PTPRT: variants seen among roughly 807,000 people sequenced by gnomAD.
PTPRT encodes receptor-type tyrosine-protein phosphatase T.
Under a neutral mutation model 176.8 loss-of-function variants are expected in PTPRT, and 56 were observed. That is an observed-to-expected ratio of 0.32 (90% confidence interval 0.26 to 0.40). The LOEUF is 0.40. Ranked by LOEUF, PTPRT falls within the 10% of genes least tolerant of loss-of-function variation. PTPRT has a pLI of 1.00. For missense variants in PTPRT, 1,540 were observed against 1,908.2 expected (o/e 0.81, Z 3.60); for synonymous variants, 783 against 739.0 (o/e 1.06, Z -0.96).
At chr20:42,566,523 C>G (rs1463917396) in intron 7 of PTPRT, among the ~76,000 whole-genome samples, 1 of 152,216 alleles carries the variant, frequency 6.6e-6, no homozygotes, top group Non-Finnish European at 1.5e-5. Context: ...GAAATGGGAA[C>G]AGAAGTGATG....
At chr20:42,584,380 A>T (rs1368387150) in intron 7 of PTPRT, among the ~76,000 whole-genome samples, 1 of 152,074 alleles carries the variant, frequency 6.6e-6, no homozygotes, top group African/African-American at 2.4e-5. Flanking sequence ...AACATACCAA[A>T]CATGGTCCTC....
chr20:42,470,622 C>T (rs566821592), intron 8 of PTPRT, among the ~76,000 whole-genome samples: 5 of 151,916 alleles, frequency 3.3e-5, no homozygotes, highest in East Asian at 1.9e-4. Context: ...CTGGAACTGG[C>T]GAATTCTATG....
At chr20:43,188,754 G>GGC (rs1555845654) in intron 1 of PTPRT, among the ~76,000 whole-genome samples, 2 of 150,288 alleles carry the variant, frequency 1.3e-5, no homozygotes, top group African/African-American at 4.9e-5. Flanking sequence ...ACTCTTGGGG[G>GGC]GGGGGGGGCT....
intron 1 of PTPRT, among the ~76,000 whole-genome samples, chr20:43,017,738 A>C (rs6065566): frequency 0.38 from 58,089 of 152,144 alleles, 12,887 homozygotes; most frequent in African/African-American, 0.62. Flanking sequence ...CATCTGCCAG[A>C]GCTCCTGTGA....
At chr20:42,224,251 C>T (rs1220408289) in intron 15 of PTPRT, among the ~76,000 whole-genome samples, 1 of 152,172 alleles carries the variant, frequency 6.6e-6, no homozygotes, top group Non-Finnish European at 1.5e-5. Flanking sequence ...GACTTTACTC[C>T]TCATAATGCC....
At chr20:42,236,175 C>T in intron 15 of PTPRT, 54 bp downstream of exon 15, 2 of 1,477,586 alleles carry the variant, frequency 1.4e-6, no homozygotes, top group Admixed American at 3.6e-5. Context: ...GAAATGCATG[C>T]TACAGGTTCC....
rs150063324 is a variant in PTPRT at position 42,887,919 on chromosome 20, C to T, written c.89-1987G>A. Reference sequence around the variant, plus strand: ...AGGGCTCTGTTCTCAGAAATGAGATCGCACCCTTATAAAAGATGCCCTAGG... The same window carrying T: ...AGGGCTCTGTTCTCAGAAATGAGATTGCACCCTTATAAAAGATGCCCTAGG... On this transcript the variant is annotated intron_variant, in intron 1 of 30. Transcript: ENST00000373187. Among the ~76,000 whole-genome samples, 28 of 152,190 alleles carry T rather than the reference C, an allele frequency of 1.8e-4. 1 individual carries two copies. The South Asian group carries it at 2.1e-3, about 11-fold the overall frequency.
At chr20:42,573,354 C>G (rs1212743366) in intron 7 of PTPRT, among the ~76,000 whole-genome samples, 1 of 152,154 alleles carries the variant, frequency 6.6e-6, no homozygotes, top group Non-Finnish European at 1.5e-5. Context: ...CAACTCCCTG[C>G]CCATGATGGT....
intron 5 of PTPRT, among the ~76,000 whole-genome samples, chr20:42,757,052 TAAAAAAAAAA>T (rs554308907): frequency 0.01 from 1,217 of 118,590 alleles, 19 homozygotes; most frequent in African/African-American, 0.033. Context: ...CCTGCCTCTT[TAAAAAAAAAA>T]AAAAAAAAAA....
At chr20:43,037,923 C>T (rs1384553716) in intron 1 of PTPRT, among the ~76,000 whole-genome samples, 1 of 152,106 alleles carries the variant, frequency 6.6e-6, no homozygotes, top group Non-Finnish European at 1.5e-5. Flanking sequence ...ATCTGTTTTT[C>T]CTGAGAACAC....
At chr20:43,170,705 G>A (rs903351158) in intron 1 of PTPRT, among the ~76,000 whole-genome samples, 21 of 152,266 alleles carry the variant, frequency 1.4e-4, no homozygotes, top group Admixed American at 2.0e-4. Context: ...CATTGACAGC[G>A]GGGAATCTGG....
intron 7 of PTPRT, among the ~76,000 whole-genome samples, chr20:42,672,022 C>G (rs1490920716): frequency 6.6e-6 from 1 of 152,206 alleles, no homozygotes; most frequent in African/African-American, 2.4e-5. Context: ...ATATTCAGAC[C>G]TGAGCTCATT....
chr20:42,953,571 C>A (rs1163423944), intron 1 of PTPRT, among the ~76,000 whole-genome samples: 1 of 152,146 alleles, frequency 6.6e-6, no homozygotes, highest in East Asian at 1.9e-4. Flanking sequence ...TCACTTCCAC[C>A]TGCAGTTAAC....
intron 1 of PTPRT, among the ~76,000 whole-genome samples, chr20:43,015,124 A>G (rs926986790): frequency 6.6e-6 from 1 of 152,190 alleles, no homozygotes; most frequent in African/African-American, 2.4e-5. Context: ...TGGGTGTCAT[A>G]AGAGACATGT....
intron 7 of PTPRT, among the ~76,000 whole-genome samples, chr20:42,665,551 T>A (rs1461182798): frequency 6.6e-6 from 1 of 152,178 alleles, no homozygotes. Context: ...CTCAGGGATC[T>A]AGAACTGGAA....
At chr20:42,085,675 C>A in intron 28 of PTPRT, 53 bp downstream of exon 28, 3 of 1,608,966 alleles carry the variant, frequency 1.9e-6, no homozygotes, top group South Asian at 2.2e-5. Flanking sequence ...TCGGCAGCCT[C>A]CATCTGTCTT....
chr20:42,119,715 A>G (rs1439503452), intron 20 of PTPRT, among the ~76,000 whole-genome samples: 1 of 152,164 alleles, frequency 6.6e-6, no homozygotes, highest in Non-Finnish European at 1.5e-5. Flanking sequence ...CCAAATAAAC[A>G]AATGAACAAT....
chr20:43,036,224 C>A (rs1448501021), intron 1 of PTPRT, among the ~76,000 whole-genome samples: 1 of 152,164 alleles, frequency 6.6e-6, no homozygotes, highest in Non-Finnish European at 1.5e-5. Flanking sequence ...ATGTATTTTC[C>A]TCACTGTGTA....
chr20:42,131,884 T>A (rs929114806), intron 18 of PTPRT, among the ~76,000 whole-genome samples: 1 of 152,128 alleles, frequency 6.6e-6, no homozygotes, highest in East Asian at 1.9e-4. Flanking sequence ...TCAGAGGGAA[T>A]GGCTAGAGTG....
Sources: allele counts gnomAD v4.1 joint callset (sites outside exome capture counted in the v4.1 genomes callset), GRCh38; gene constraint gnomAD v4.1.1; transcripts MANE v1.5; gene names NCBI Gene and HGNC (gene_info 2026-07-23, HGNC 2026-07-21).